CTNNA3: variants seen among roughly 807,000 people sequenced by gnomAD.
CTNNA3 encodes the protein catenin alpha-3.
In CTNNA3, 76 loss-of-function variants were observed where a neutral mutation model predicts 95.7. That is an observed-to-expected ratio of 0.79 (90% CI 0.66 to 0.96). CTNNA3 has a LOEUF of 0.96. CTNNA3 is among the 40% of genes least tolerant of loss of function. The pLI is 0.00. For missense variants in CTNNA3, 1,191 were observed against 1,089.8 expected (o/e 1.09, Z -1.31); for synonymous variants, 431 against 374.4 (o/e 1.15, Z -1.74).
intron 7 of CTNNA3, among the ~76,000 whole-genome samples, chr10:66,806,823 T>C (rs1841669555): frequency 6.6e-6 from 1 of 151,754 alleles, no homozygotes; most frequent in Non-Finnish European, 1.5e-5. Flanking sequence ...ATGTGGTATG[T>C]GTATATAAAC....
chr10:66,573,665 CCTTT>C (rs1430857851), intron 10 of CTNNA3, among the ~76,000 whole-genome samples: 8 of 152,014 alleles, frequency 5.3e-5, no homozygotes, highest in African/African-American at 1.4e-4. Flanking sequence ...ATAAAAATGC[CCTTT>C]CTATTTAATA....
At chr10:66,701,938 G>T (rs1205055749) in intron 9 of CTNNA3, among the ~76,000 whole-genome samples, 1 of 151,982 alleles carries the variant, frequency 6.6e-6, no homozygotes, top group African/African-American at 2.4e-5. Context: ...TAATAATTTT[G>T]TTAATGAAAA....
At chr10:66,305,823 T>C (rs139436599) in intron 12 of CTNNA3, among the ~76,000 whole-genome samples, 9 of 152,308 alleles carry the variant, frequency 5.9e-5, no homozygotes, top group African/African-American at 1.7e-4. Context: ...GGTGGACACA[T>C]AGTTAAGTAC....
intron 5 of CTNNA3, among the ~76,000 whole-genome samples, chr10:67,385,087 T>G (rs948174234): frequency 3.3e-5 from 5 of 152,302 alleles, no homozygotes; most frequent in South Asian, 2.1e-4. Flanking sequence ...AAGGGCCTAT[T>G]TTGATAAGAA....
chr10:67,130,060 T>C (rs1159317419), intron 7 of CTNNA3, among the ~76,000 whole-genome samples: 2 of 152,124 alleles, frequency 1.3e-5, no homozygotes, highest in African/African-American at 2.4e-5. Context: ...GACACTGTCT[T>C]TGAAATCTAC....
intron 3 of CTNNA3, among the ~76,000 whole-genome samples, chr10:67,543,153 G>A (rs1169367180): frequency 6.6e-6 from 1 of 151,962 alleles, no homozygotes; most frequent in Non-Finnish European, 1.5e-5. Context: ...TTTCTACTGA[G>A]TCCATTTAGT....
At chr10:67,131,592 T>G (rs886093171) in intron 7 of CTNNA3, among the ~76,000 whole-genome samples, 1 of 152,096 alleles carries the variant, frequency 6.6e-6, no homozygotes, top group Non-Finnish European at 1.5e-5. Context: ...TTCTTCAGTA[T>G]GTGTCTCCAT....
chr10:66,076,272 C>A (rs578134050), intron 14 of CTNNA3, among the ~76,000 whole-genome samples: 22 of 151,550 alleles, frequency 1.5e-4, no homozygotes, highest in African/African-American at 5.3e-4. Context: ...TAGCATAGAA[C>A]ACTTTGATGG....
rs1843267546 is a variant in CTNNA3, at chr10:66,846,160, A to G, written c.1048-70636T>C. 2.0e-5 allele frequency among the ~76,000 whole-genome samples: 3 copies of G among 149,160 alleles called. 1 individual carries two copies. In the South Asian group the frequency reaches 6.5e-4, roughly 32 times the overall value. On this transcript the variant is annotated intron_variant, in intron 7 of 17. Transcript: ENST00000433211. ...AAAAAGGGAAATCCTGCCTTTTGCA[A>G]CAGAGATGAACCTGGCGGACATTAT...
chr10:67,492,258 A>C (rs1838868655), intron 5 of CTNNA3, among the ~76,000 whole-genome samples: 1 of 152,122 alleles, frequency 6.6e-6, no homozygotes, highest in Non-Finnish European at 1.5e-5. Context: ...AAAAAAAGAA[A>C]ATTAAGATTT....
chr10:65,969,800 G>C (rs1206316147), intron 16 of CTNNA3, among the ~76,000 whole-genome samples: 1 of 152,070 alleles, frequency 6.6e-6, no homozygotes, highest in Non-Finnish European at 1.5e-5. Flanking sequence ...CTAAAAATTA[G>C]TGACATTCCT....
At chr10:67,332,525 G>C (rs1841833289) in intron 5 of CTNNA3, among the ~76,000 whole-genome samples, 1 of 152,252 alleles carries the variant, frequency 6.6e-6, no homozygotes, top group South Asian at 2.1e-4. Flanking sequence ...TTTTAAATAA[G>C]CAGGAGGTTC....
intron 5 of CTNNA3, among the ~76,000 whole-genome samples, chr10:67,307,796 G>A (rs916073171): frequency 7.2e-5 from 11 of 152,114 alleles, no homozygotes; most frequent in South Asian, 4.1e-4. Flanking sequence ...ATTAATTCTC[G>A]TGTACATTAA....
At chr10:66,504,059 G>C (rs576220300) in intron 11 of CTNNA3, among the ~76,000 whole-genome samples, 1 of 152,096 alleles carries the variant, frequency 6.6e-6, no homozygotes, top group East Asian at 1.9e-4. Flanking sequence ...TTTTTATAGT[G>C]AGAACATTTA....
chr10:67,601,897 T>A (rs746148678), intron 3 of CTNNA3, among the ~76,000 whole-genome samples: 1 of 152,170 alleles, frequency 6.6e-6, no homozygotes, highest in Non-Finnish European at 1.5e-5. Flanking sequence ...GTTTCACCTT[T>A]CATGGGCAGG....
intron 6 of CTNNA3, among the ~76,000 whole-genome samples, chr10:67,198,158 C>T (rs1863462389): frequency 6.6e-6 from 1 of 152,050 alleles, no homozygotes; most frequent in African/African-American, 2.4e-5. Flanking sequence ...CTATATTGAA[C>T]AGCACAGCTC....
At chr10:66,246,554 C>T (rs909221489) in intron 13 of CTNNA3, among the ~76,000 whole-genome samples, 2 of 151,946 alleles carry the variant, frequency 1.3e-5, no homozygotes, top group African/African-American at 4.8e-5. Context: ...ACTGCCATTA[C>T]TTTCAGAAAA....
intron 1 of CTNNA3, chr10:67,750,724 C>G: frequency 6.3e-7 from 1 of 1,578,136 alleles, no homozygotes; most frequent in Non-Finnish European, 8.7e-7. Flanking sequence ...CATGGAGGAG[C>G]TGGTGGATGA....
chr10:66,066,537 A>C (rs1162103959), intron 15 of CTNNA3, among the ~76,000 whole-genome samples: 1 of 152,142 alleles, frequency 6.6e-6, no homozygotes, highest in Admixed American at 6.6e-5. Context: ...ATTACTTTCT[A>C]TATGAAGAGG....
Sources: gnomAD v4.1 joint callset for allele counts (sites outside exome capture counted in the v4.1 genomes callset) on GRCh38, gnomAD v4.1.1 for gene constraint, MANE v1.5 for transcripts, NCBI Gene and HGNC (gene_info 2026-07-23, HGNC 2026-07-21) for gene names.